CCDC18: variants seen among roughly 807,000 people sequenced by gnomAD.
CCDC18 encodes the protein coiled-coil domain containing 18, also known as coiled-coil domain-containing protein 18.
A neutral mutation model predicts 196.0 loss-of-function variants in CCDC18; 157 were observed. The ratio of observed to expected loss-of-function variants is 0.80; its 90% confidence interval spans 0.70 to 0.91. The LOEUF is 0.91. Among genes scored for constraint, CCDC18 ranks in the 40% least tolerant of loss-of-function variants. The pLI is 0.00. For synonymous variants in CCDC18, 482 were observed against 529.2 expected (o/e 0.91, Z 1.22); for missense variants, 1,465 against 1,611.6 (o/e 0.91, Z 1.56).
intron 19 of CCDC18, among the ~76,000 whole-genome samples, chr1:93,238,094 A>G (rs1660294767): frequency 6.6e-6 from 1 of 152,060 alleles, no homozygotes; most frequent in Admixed American, 6.6e-5. Flanking sequence ...ATGCTTTTTG[A>G]GTCCTTGTAT....
At chr1:93,209,873 G>A (rs1213724069) in intron 9 of CCDC18, among the ~76,000 whole-genome samples, 2 of 152,112 alleles carry the variant, frequency 1.3e-5, no homozygotes, top group African/African-American at 4.8e-5. Flanking sequence ...ACCAGCTTGG[G>A]TAATACAGTG....
At chr1:93,258,409 A>G (rs1663320354) in intron 25 of CCDC18, among the ~76,000 whole-genome samples, 1 of 152,152 alleles carries the variant, frequency 6.6e-6, no homozygotes, top group African/African-American at 2.4e-5. Context: ...TAAACAGACA[A>G]TATATATAGT....
Position 93,197,406 on chromosome 1 carries a change from A to G in CCDC18, c.698+3662A>G, listed in dbSNP as rs147514510. ...AAGAAATAAGGCCAATAACTGAATCATTTTAAAGATGATACATTTGAAAAC... is the reference window on the plus strand; with the variant it reads ...AAGAAATAAGGCCAATAACTGAATCGTTTTAAAGATGATACATTTGAAAAC... On this transcript the variant is annotated intron_variant, in intron 6 of 28. Coordinates refer to ENST00000690025, the MANE Select transcript of CCDC18 (RefSeq NM_001378204.1). Among the ~76,000 whole-genome samples the G allele has an allele frequency of 2.0e-3, 312 of 152,302 alleles. 2 individuals carry two copies. Among genetic ancestry groups the G allele is most frequent in the African/African-American group, 7.0e-3 (292 of 41,574 alleles).
chr1:93,266,542 G>T (rs534182105), intron 27 of CCDC18, among the ~76,000 whole-genome samples: 1 of 152,014 alleles, frequency 6.6e-6, no homozygotes, highest in Non-Finnish European at 1.5e-5. Flanking sequence ...TTGATAGACC[G>T]CTAGCAAGAC....
intron 26 of CCDC18, among the ~76,000 whole-genome samples, chr1:93,259,609 G>C (rs904670597): frequency 6.6e-6 from 1 of 152,160 alleles, no homozygotes; most frequent in African/African-American, 2.4e-5. Flanking sequence ...TAGGGCTTGT[G>C]GGGACCATGT....
Position 93,205,579 on chromosome 1 carries a change from G to A in CCDC18, c.865G>A (p.Glu289Lys). Reference protein sequence around the residue: ...NCEKENKRLQERCGLYKSELE... With the variant: ...NCEKENKRLQKRCGLYKSELE... ...TGAAAAAGAAAATAAAAGGCTACAA[G>A]AAAGGTGTGGTCTATATAAAAGTGA... is the stretch of plus-strand genomic sequence containing the variant. The change falls in exon 8 of 29, where the codon GAA (glutamate) becomes AAA (lysine). Residue 289 changes from glutamate (E) to lysine (K), a missense_variant. By Grantham distance (56) the Glu-to-Lys change is moderately conservative. Transcript: ENST00000690025. 1 of 1,596,994 alleles carries A rather than the reference G, an allele frequency of 6.3e-7. No homozygotes were observed. The highest frequency in any genetic ancestry group is 8.6e-7 in the Non-Finnish European group (1 of 1,167,910).
In CCDC18 at chr1:93,254,602, A is replaced by G; in HGVS notation, c.3330A>G (p.Lys1110=). The G allele has an allele frequency of 6.2e-7, 1 of 1,609,882 alleles. No homozygotes were observed. Among genetic ancestry groups the G allele is most frequent in the South Asian group, 1.1e-5 (1 of 90,208 alleles). Residue 1110 remains lysine (K), a synonymous_variant, in exon 24 of 29, where the codon AAA becomes AAG. Transcript: ENST00000690025. ...TTGAAAGAACACAACAAAGGATGAAAGAAATGGAGAGTGTAAGCAAATTAT... is the reference window on the plus strand; with the variant it reads ...TTGAAAGAACACAACAAAGGATGAAGGAAATGGAGAGTGTAAGCAAATTAT... The part of the protein sequence containing the change: ...KEIERTQQRM[K]EMESVMKEQE...
At chr1:93,236,445 A>C in intron 19 of CCDC18, 55 bp downstream of exon 19, 2 of 1,522,356 alleles carry the variant, frequency 1.3e-6, no homozygotes, top group Non-Finnish European at 1.8e-6. Context: ...GTGGTATCTG[A>C]GTTTTGAAAT....
At chr1:93,185,133 A>T (rs1209369173) in intron 3 of CCDC18, among the ~76,000 whole-genome samples, 1 of 152,048 alleles carries the variant, frequency 6.6e-6, no homozygotes, top group East Asian at 1.9e-4. Flanking sequence ...GTCCAATTTC[A>T]CTCATAATAA....
intron 11 of CCDC18, 120 bp from the exon 12 acceptor site, chr1:93,214,623 C>T: frequency 4.8e-6 from 3 of 619,452 alleles, no homozygotes; most frequent in Non-Finnish European, 8.5e-6. Flanking sequence ...ATTCTCTGTC[C>T]CTTTTAGTAC....
At chr1:93,270,947 A>G (rs186388839) in intron 28 of CCDC18, 133 bp downstream of exon 28, 3 of 1,391,580 alleles carry the variant, frequency 2.2e-6, no homozygotes, top group Non-Finnish European at 2.8e-6. Flanking sequence ...CATTTTATAC[A>G]TTAAGTAAAA....
intron 10 of CCDC18, among the ~76,000 whole-genome samples, chr1:93,211,338 A>C (rs1048059863): frequency 8.6e-5 from 13 of 152,002 alleles, no homozygotes; most frequent in Non-Finnish European, 1.9e-4. Context: ...AGCTCAGAGA[A>C]TATTATAACA....
rs1242799077 is a variant in CCDC18 at position 93,191,825 on chromosome 1, TATA to T, written c.463-172_463-170del. On this transcript the variant is annotated intron_variant, in intron 4 of 28. Transcript: ENST00000690025. ...AGGAGCTTACATGCCAAGGCTGGCT[TATA>T]ATGATGATATGCCCATGTAAATGTT... Among the ~76,000 whole-genome samples the T allele has an allele frequency of 3.9e-5, 6 of 152,314 alleles. No homozygotes were observed. In the East Asian group the frequency reaches 5.8e-4, roughly 15 times the overall value.
At chr1:93,219,180 C>G (rs1007941277) in intron 14 of CCDC18, among the ~76,000 whole-genome samples, 1 of 152,140 alleles carries the variant, frequency 6.6e-6, no homozygotes, top group African/African-American at 2.4e-5. Context: ...AATGCCTTTT[C>G]TATTTTAACT....
intron 21 of CCDC18, among the ~76,000 whole-genome samples, chr1:93,242,286 C>T (rs540750824): frequency 1.3e-5 from 2 of 152,172 alleles, no homozygotes; most frequent in South Asian, 4.1e-4. Context: ...GGAGGCCTCA[C>T]AATCATGGTG....
At chr1:93,216,090 T>C (rs557866615) in intron 12 of CCDC18, among the ~76,000 whole-genome samples, 4 of 152,266 alleles carry the variant, frequency 2.6e-5, no homozygotes, top group Admixed American at 6.5e-5. Context: ...TAGGAACTTA[T>C]GTTAATAATG....
At chr1:93,268,443 T>C (rs1018572742) in intron 27 of CCDC18, among the ~76,000 whole-genome samples, 2 of 151,966 alleles carry the variant, frequency 1.3e-5, no homozygotes, top group Non-Finnish European at 2.9e-5. Flanking sequence ...TGGGATCTAA[T>C]TAAAGAGCTT....
chr1:93,220,053 T>G (rs954407607), intron 14 of CCDC18, among the ~76,000 whole-genome samples: 1 of 151,998 alleles, frequency 6.6e-6, no homozygotes, highest in African/African-American at 2.4e-5. Flanking sequence ...GAAATAAATT[T>G]ACAAATTTAA....
chr1:93,192,385 ACT>A (rs1651971523), intron 5 of CCDC18, among the ~76,000 whole-genome samples: 1 of 152,194 alleles, frequency 6.6e-6, no homozygotes, highest in Non-Finnish European at 1.5e-5. Context: ...AGAAGTATAT[ACT>A]CAGTGTTTCA....
Sources: gnomAD v4.1 joint callset for allele counts (sites outside exome capture counted in the v4.1 genomes callset) on GRCh38, gnomAD v4.1.1 for gene constraint, MANE v1.5 for transcripts, NCBI Gene and HGNC (gene_info 2026-07-23, HGNC 2026-07-21) for gene names.